The following ATXN1 variants were observed in gnomAD, a reference collection of about 807,000 sequenced individuals.
ATXN1 encodes the protein ataxin 1.
A neutral mutation model predicts 56.4 loss-of-function variants in ATXN1; 8 were observed. The observed-to-expected ratio is 0.14, with a 90% CI of 0.08 to 0.26. ATXN1 has a LOEUF of 0.26. ATXN1 is among the 10% of genes least tolerant of loss of function. The probability of loss-of-function intolerance (pLI) is 1.00; values close to 1 mark genes in which losing one functional copy is unlikely to be tolerated. For missense variants in ATXN1, 987 were observed against 1,106.5 expected (o/e 0.89, Z 1.53); for synonymous variants, 514 against 494.6 (o/e 1.04, Z -0.52).
chr6:16,535,907 T>C (rs918408530), intron 4 of ATXN1, among the ~76,000 whole-genome samples: 8 of 152,264 alleles, frequency 5.3e-5, no homozygotes, highest in East Asian at 3.9e-4. Flanking sequence ...TTGTGGACTG[T>C]CCCTCAATTT....
chr6:16,552,487 A>G (rs1421480318), intron 4 of ATXN1, among the ~76,000 whole-genome samples: 1 of 152,248 alleles, frequency 6.6e-6, no homozygotes, highest in East Asian at 1.9e-4. Flanking sequence ...CTTCATTCAC[A>G]CAGTGTGTTT....
At chr6:16,619,396 T>TA (rs1763278013) in intron 3 of ATXN1, among the ~76,000 whole-genome samples, 1 of 152,204 alleles carries the variant, frequency 6.6e-6, no homozygotes, top group Admixed American at 6.5e-5. Context: ...AAATGCTAGA[T>TA]AAATAGATTA....
chr6:16,638,602 G>A (rs1038896582), intron 3 of ATXN1, among the ~76,000 whole-genome samples: 2 of 152,148 alleles, frequency 1.3e-5, no homozygotes, highest in Non-Finnish European at 2.9e-5. Flanking sequence ...ACACATCACA[G>A]TGGTGGGAAC....
At chr6:16,616,416 T>C (rs1280160436) in intron 3 of ATXN1, among the ~76,000 whole-genome samples, 1 of 151,634 alleles carries the variant, frequency 6.6e-6, no homozygotes, top group Non-Finnish European at 1.5e-5. Context: ...GGTACACACC[T>C]GTAATCCCAG....
intron 6 of ATXN1, among the ~76,000 whole-genome samples, chr6:16,333,984 C>A (rs1472408785): frequency 6.6e-6 from 1 of 152,136 alleles, no homozygotes; most frequent in Non-Finnish European, 1.5e-5. Flanking sequence ...AACAGGCATG[C>A]CCCCAAAGTG....
intron 3 of ATXN1, among the ~76,000 whole-genome samples, chr6:16,603,925 G>A (rs2113783010): frequency 6.6e-6 from 1 of 152,256 alleles, no homozygotes; most frequent in Non-Finnish European, 1.5e-5. Flanking sequence ...TGGCATGAGG[G>A]TGTGGGGACC....
chr6:16,315,531 G>A (rs1418372011), intron 7 of ATXN1, among the ~76,000 whole-genome samples: 5 of 151,982 alleles, frequency 3.3e-5, no homozygotes, highest in Non-Finnish European at 7.4e-5. Context: ...TGCGCCTTCC[G>A]TCTGGGCACC....
At chr6:16,459,327 C>T (rs1759944326) in intron 6 of ATXN1, among the ~76,000 whole-genome samples, 1 of 152,150 alleles carries the variant, frequency 6.6e-6, no homozygotes, top group Non-Finnish European at 1.5e-5. Flanking sequence ...TAAGACCCCA[C>T]CACTTTTCCT....
intron 6 of ATXN1, among the ~76,000 whole-genome samples, chr6:16,330,674 C>T (rs984330395): frequency 1.3e-5 from 2 of 152,142 alleles, no homozygotes; most frequent in Admixed American, 1.3e-4. Context: ...TGAGCCACTG[C>T]AGCCAGCTTG....
At chr6:16,665,067 T>C (rs769415416) in intron 2 of ATXN1, among the ~76,000 whole-genome samples, 15 of 152,358 alleles carry the variant, frequency 9.8e-5, no homozygotes, top group South Asian at 2.1e-4. Context: ...AATTCTCTTC[T>C]GTGCCTCTGA....
chr6:16,417,471 C>A (rs1259006110), intron 6 of ATXN1, among the ~76,000 whole-genome samples: 1 of 139,038 alleles, frequency 7.2e-6, no homozygotes. Flanking sequence ...CGGAGTCTTG[C>A]TCTGTCACCC....
At chr6:16,444,033 G>A (rs958953389) in intron 6 of ATXN1, among the ~76,000 whole-genome samples, 18 of 151,724 alleles carry the variant, frequency 1.2e-4, no homozygotes, top group Admixed American at 7.2e-4. Context: ...GGAGAATGGC[G>A]TGAACCTGGG....
intron 5 of ATXN1, among the ~76,000 whole-genome samples, chr6:16,503,926 C>A (rs1760931786): frequency 6.6e-6 from 1 of 152,156 alleles, no homozygotes; most frequent in African/African-American, 2.4e-5. Flanking sequence ...CCATTACCAC[C>A]ATCCACCCCC....
chr6:16,370,413 C>G (rs1233187795), intron 6 of ATXN1, among the ~76,000 whole-genome samples: 2 of 152,176 alleles, frequency 1.3e-5, no homozygotes, highest in Non-Finnish European at 2.9e-5. Flanking sequence ...GTGAAAGAAA[C>G]TGGCAAACAC....
intron 3 of ATXN1, among the ~76,000 whole-genome samples, chr6:16,652,345 G>A (rs1200027206): frequency 1.3e-5 from 2 of 152,144 alleles, no homozygotes; most frequent in African/African-American, 4.8e-5. Flanking sequence ...GTGGCTGTTT[G>A]GAAATCATGT....
Position 16,600,903 on chromosome 6 carries a change from C to A in ATXN1, c.-488-14996G>T, listed in dbSNP as rs569425049. Among the ~76,000 whole-genome samples, 7 of 152,276 alleles carry A rather than the reference C, an allele frequency of 4.6e-5. No homozygotes were observed. In the East Asian group the frequency reaches 1.3e-3, roughly 29 times the overall value. On this transcript the variant is annotated intron_variant, in intron 3 of 7. Coordinates refer to ENST00000436367, the MANE Select transcript of ATXN1 (RefSeq NM_001128164.2). The stretch of plus-strand genomic sequence containing the variant: ...CCAGAACTAGAAACTCAAGTAATTC[C>A]TTTGATTCTTAGAAAATGACGCAGT...
At chr6:16,574,512 T>C (rs1375814250) in intron 4 of ATXN1, among the ~76,000 whole-genome samples, 1 of 152,112 alleles carries the variant, frequency 6.6e-6, no homozygotes, top group African/African-American at 2.4e-5. Context: ...CCCGGCCTAA[T>C]TTTTGTATTT....
chr6:16,577,882 C>T (rs539963965), intron 4 of ATXN1, among the ~76,000 whole-genome samples: 21 of 152,154 alleles, frequency 1.4e-4, no homozygotes, highest in Non-Finnish European at 7.4e-5. Flanking sequence ...ATCACAATAC[C>T]CCTGTGAGAC....
chr6:16,513,994 G>A (rs1426091055), intron 5 of ATXN1, among the ~76,000 whole-genome samples: 1 of 152,160 alleles, frequency 6.6e-6, no homozygotes, highest in Non-Finnish European at 1.5e-5. Context: ...CTGAATCCCA[G>A]GGAGCTCAGG....
Sources: allele counts gnomAD v4.1 joint callset (sites outside exome capture counted in the v4.1 genomes callset), GRCh38; gene constraint gnomAD v4.1.1; transcripts MANE v1.5; gene names NCBI Gene and HGNC (gene_info 2026-07-23, HGNC 2026-07-21).